TRPM2: variants seen among roughly 807,000 people sequenced by gnomAD.
TRPM2 encodes the protein transient receptor potential cation channel subfamily M member 2.
In TRPM2, 161 loss-of-function variants were observed where a neutral mutation model predicts 174.0. The observed-to-expected ratio is 0.93, with a 90% CI of 0.81 to 1.05. The LOEUF (loss-of-function observed/expected upper bound fraction) is 1.05, where lower values mean the gene tolerates loss of function less well. Ranked by LOEUF, TRPM2 falls within the 50% of genes least tolerant of loss-of-function variation. TRPM2 has a pLI of 0.00. For missense variants in TRPM2, 2,057 were observed against 2,038.0 expected, an observed-to-expected ratio of 1.01 and a Z score of -0.18; for synonymous variants, 954 against 861.3, an observed-to-expected ratio of 1.11 and a Z score of -1.88.
In TRPM2 at chr21:44,375,314, C is replaced by T. The variant is rs150002126; in HGVS notation, c.772-519C>T. Among the ~76,000 whole-genome samples, 29 of 152,354 alleles carry T rather than the reference C, an allele frequency of 1.9e-4. No homozygotes were observed. In the South Asian group the frequency reaches 3.5e-3, roughly 18 times the overall value. On this transcript the variant is annotated intron_variant, in intron 5 of 31. Coordinates refer to ENST00000397928, the MANE Select transcript of TRPM2 (RefSeq NM_003307.4). ...AATCCTCCCGTCGTCTCCCCATTGC[C>T]GGTTTCAATGCCACTTCCACATTTT...
At chr21:44,400,132 C>T (rs2049566220) in intron 14 of TRPM2, 127 bp from the exon 15 acceptor site, 1 of 734,146 alleles carries the variant, frequency 1.4e-6, no homozygotes, top group African/African-American at 1.8e-5. Flanking sequence ...GTCTTCACCA[C>T]TTTCTGCTGT....
chr21:44,406,471 C>T (rs915728974), intron 18 of TRPM2, 123 bp from the exon 19 acceptor site: 11 of 1,231,738 alleles, frequency 8.9e-6, no homozygotes, highest in Admixed American at 8.0e-5. Flanking sequence ...TCCTGGGAGC[C>T]TCCTGCATGC....
At position 44,400,254 on chromosome 21, in the gene TRPM2, C is replaced by G. The variant is rs370858750; in HGVS notation, c.2209-5C>G. On this transcript the variant is annotated splice_polypyrimidine_tract_variant and splice_region_variant and intron_variant, in intron 14 of 31. Transcript: ENST00000397928. Reference sequence around the variant, plus strand: ...CTGCCATCCTGAGACTGCCCCCATCCGCAGGCCTTCCTGACCAAGGTGTGG... The same window carrying G: ...CTGCCATCCTGAGACTGCCCCCATCGGCAGGCCTTCCTGACCAAGGTGTGG... 2.5e-6 allele frequency: 4 copies of G among 1,611,098 alleles called. No homozygotes were observed. The South Asian group carries it at 4.4e-5, about 18-fold the overall frequency.
chr21:44,366,994 T>C lies in TRPM2; in HGVS notation c.604+60T>C. The C allele has an allele frequency of 5.3e-6, 8 of 1,504,984 alleles. No homozygotes were observed. The highest frequency in any genetic ancestry group is 7.1e-6 in the Non-Finnish European group (8 of 1,126,730). 93.2% of individuals were successfully genotyped at this position (1,504,984 alleles called of 1,614,324 possible). ...CGGGTGGGGTGGGCTGTGGAGGCAG[T>C]GCTGGGGCAATCAGGGCCATCAGGA... On this transcript the variant is annotated intron_variant, in intron 4 of 31. Transcript: ENST00000397928. The surrounding 1 kb of genome is among the most constrained non-coding windows in gnomAD (Gnocchi z 6.0).
intron 22 of TRPM2, among the ~76,000 whole-genome samples, chr21:44,420,091 G>A (rs2050496795): frequency 6.6e-6 from 1 of 152,118 alleles, no homozygotes; most frequent in Non-Finnish European, 1.5e-5. Flanking sequence ...CATTCTGAGT[G>A]AACTAGATAC....
Position 44,366,064 on chromosome 21 carries a change from C to T in TRPM2, c.424-690C>T, listed in dbSNP as rs950661912. On this transcript the variant is annotated intron_variant, in intron 3 of 31. Coordinates refer to ENST00000397928, the MANE Select transcript of TRPM2 (RefSeq NM_003307.4). This position sits in a 1 kb window ranked among gnomAD's most constrained non-coding sequence, Gnocchi z 6.0. ...GGAGATTGCAGACCCCGCTGGGTCT[C>T]TTCAGACACAGCCCGCCTAGCGGAA... 6.6e-6 allele frequency among the ~76,000 whole-genome samples: 1 copy of T among 152,214 alleles called. No individual in the cohort carries two copies. Among genetic ancestry groups the T allele is most frequent in the Non-Finnish European group, 1.5e-5 (1 of 68,046 alleles).
chr21:44,408,675 T>TTC (rs2049989060), intron 19 of TRPM2, among the ~76,000 whole-genome samples: 3 of 96,966 alleles, frequency 3.1e-5, no homozygotes, highest in African/African-American at 1.1e-4. Context: ...TTTTTTTTTT[T>TTC]CCGACAGGGT....
rs774154102 is a variant in TRPM2 at position 44,397,736 on chromosome 21, C to G, written c.1933-11C>G. The stretch of plus-strand genomic sequence containing the variant: ...GCTCTTTAGTCTCACGGTGGCTCCT[C>G]TGGTCCCCAGAGCCAGGACTGCATC... On this transcript the variant is annotated splice_polypyrimidine_tract_variant and intron_variant, in intron 12 of 31. Transcript: ENST00000397928. 9 of 1,563,312 alleles carry G rather than the reference C, an allele frequency of 5.8e-6. No individual in the cohort carries two copies. The Admixed American group carries it at 1.7e-4, about 29-fold the overall frequency.
chr21:44,362,603 G>T (rs1164548438), intron 2 of TRPM2, among the ~76,000 whole-genome samples: 1 of 151,814 alleles, frequency 6.6e-6, no homozygotes, highest in Non-Finnish European at 1.5e-5. Flanking sequence ...AAATTCAAGG[G>T]GTTACTCTTT....
chr21:44,413,502 C>T lies in TRPM2; in HGVS notation c.2963-389C>T, dbSNP rs566453605. ...AGGTGATCCGCCCGCCTTGGCCTCC[C>T]AAAGTGCTGGGATTACAGGCATGAG... On this transcript the variant is annotated intron_variant, in intron 19 of 31. Transcript: ENST00000397928. 9.2e-4 allele frequency among the ~76,000 whole-genome samples: 140 copies of T among 152,362 alleles called. 1 individual carries two copies. Among genetic ancestry groups the T allele is most frequent in the African/African-American group, 3.3e-3 (136 of 41,588 alleles).
chr21:44,370,697 C>A (rs1475212155), intron 5 of TRPM2, among the ~76,000 whole-genome samples: 1 of 152,254 alleles, frequency 6.6e-6, no homozygotes, highest in African/African-American at 2.4e-5. Flanking sequence ...CCAGCCCCAG[C>A]CCGGCCTTCG....
chr21:44,365,712 CAG>C (rs1242076148), intron 3 of TRPM2, among the ~76,000 whole-genome samples: 1 of 152,210 alleles, frequency 6.6e-6, no homozygotes, highest in Admixed American at 6.5e-5. Flanking sequence ...CAGCTGCCGA[CAG>C]GGGCCGGTGG....
chr21:44,395,385 T>C (rs1270746863), intron 11 of TRPM2, 29 bp from the exon 12 acceptor site: 3 of 1,609,956 alleles, frequency 1.9e-6, no homozygotes, highest in Non-Finnish European at 2.5e-6. Context: ...GCGGCCCGGC[T>C]GGGGCTCTGA....
At position 44,423,690 on chromosome 21, in the gene TRPM2, G is replaced by A. The variant is rs746829184; in HGVS notation, c.3507G>A (p.Arg1169=). The A allele has an allele frequency of 2.5e-6, 4 of 1,612,630 alleles. No homozygotes were observed. In the African/African-American group the frequency reaches 5.3e-5, roughly 22 times the overall value. The part of the protein sequence containing the change: ...VDLLDLDPLK[R]SGSMEQRLAS... The stretch of plus-strand genomic sequence containing the variant: ...TGCTGGACCTGGACCCACTGAAGAG[G>A]TCGGGCTCCATGGAGCAGAGGTTGG... Residue 1169 remains arginine, a synonymous_variant, in exon 23 of 32, where the codon AGG becomes AGA. Coordinates refer to ENST00000397928, the MANE Select transcript of TRPM2 (RefSeq NM_003307.4).
chr21:44,375,921 T>A lies in TRPM2; in HGVS notation c.860T>A (p.Val287Glu). Residue 287 changes from valine to glutamate, a missense_variant, in exon 6 of 32, where the codon GTG becomes GAG. Transcript: ENST00000397928. The part of the protein sequence containing the change: ...LDSNHSHFIL[V>E]DDGTHGQYGV... ...AGCAACCACTCTCACTTCATCCTCG[T>A]GGACGACGGGACCCACGGCCAGTAC... 6.2e-7 allele frequency: 1 copy of A among 1,614,090 alleles called. No homozygotes were observed. Among genetic ancestry groups the A allele is most frequent in the Non-Finnish European group, 8.5e-7 (1 of 1,180,012 alleles).
chr21:44,353,134 C>CAGT (rs2047954220), upstream of TRPM2: 2 of 152,222 alleles, frequency 1.3e-5, no homozygotes, highest in Non-Finnish European at 2.9e-5. Context: ...CCAGCCTGAG[C>CAGT]GACAAAGTGG....
chr21:44,417,810 G>A (rs1047209327), intron 20 of TRPM2, 117 bp from the exon 21 acceptor site: 108 of 1,046,492 alleles, frequency 1.0e-4, no homozygotes, highest in Middle Eastern at 2.4e-4. Context: ...GCATCACAGT[G>A]GGCATGTGGG....
rs757300454 is a variant in TRPM2 at position 44,432,470 on chromosome 21, A to T, written c.3975-2661A>T. 6.6e-6 allele frequency among the ~76,000 whole-genome samples: 1 copy of T among 152,184 alleles called. No homozygotes were observed. The highest frequency in any genetic ancestry group is 2.4e-5 in the African/African-American group (1 of 41,420). On this transcript the variant is annotated intron_variant, in intron 27 of 31. Transcript: ENST00000397928. This position sits in a 1 kb window ranked among gnomAD's most constrained non-coding sequence, Gnocchi z 4.9. ...CACCTGCAGACACTATTTCTGAACA[A>T]GGCCAGATTCTGAGGTTCTGGGAAG...
chr21:44,403,602 TAC>T (rs912352272), intron 16 of TRPM2, among the ~76,000 whole-genome samples: 2 of 144,974 alleles, frequency 1.4e-5, no homozygotes, highest in Non-Finnish European at 1.5e-5. Flanking sequence ...ATGCACACAG[TAC>T]ACACATAGGC....
Sources: allele counts gnomAD v4.1 joint callset (sites outside exome capture counted in the v4.1 genomes callset), GRCh38; gene constraint gnomAD v4.1.1; non-coding constraint Gnocchi (gnomAD v3.1); transcripts MANE v1.5; gene names NCBI Gene and HGNC (gene_info 2026-07-23, HGNC 2026-07-21).